CNKSR2: variants seen among roughly 807,000 people sequenced by gnomAD.
CNKSR2 encodes the protein connector enhancer of kinase suppressor of Ras 2.
In CNKSR2, 14 loss-of-function variants were observed where a neutral mutation model predicts 84.4. The observed-to-expected ratio is 0.17, with a 90% CI of 0.11 to 0.26. The LOEUF is 0.26. Ranked by LOEUF, CNKSR2 falls within the 10% of genes least tolerant of loss-of-function variation. The pLI is 1.00. For synonymous variants in CNKSR2, 275 were observed against 277.9 expected, an observed-to-expected ratio of 0.99 and a Z score of 0.10; for missense variants, 485 against 771.2, an observed-to-expected ratio of 0.63 and a Z score of 4.40.
chrX:21,426,799 A>G, intron 2 of CNKSR2, 139 bp downstream of exon 2: 1 of 630,376 alleles, frequency 1.6e-6, no homozygotes, highest in South Asian at 3.2e-5. Flanking sequence ...TGGACCTGAT[A>G]TTTTCTTCCT....
chrX:21,421,430 G>T (rs112829691), intron 1 of CNKSR2, among the ~76,000 whole-genome samples: 1 of 108,891 alleles, frequency 9.2e-6, no homozygotes, highest in African/African-American at 3.4e-5. Context: ...GTGTCCTTGC[G>T]GGGGGCTAGG....
intron 1 of CNKSR2, among the ~76,000 whole-genome samples, chrX:21,419,616 C>G (rs1193292049): frequency 1.8e-5 from 2 of 111,835 alleles, no homozygotes; most frequent in Admixed American, 1.9e-4. Flanking sequence ...GGGAGCACCC[C>G]AAGCCCGGTG....
chrX:21,457,088 T>C (rs2091004254), intron 4 of CNKSR2, among the ~76,000 whole-genome samples: 1 of 111,644 alleles, frequency 9.0e-6, no homozygotes, highest in African/African-American at 3.2e-5. Flanking sequence ...GCTGTTGAGT[T>C]GTGTGGGTTC....
At chrX:21,528,832 G>A (rs919100879) in intron 10 of CNKSR2, among the ~76,000 whole-genome samples, 5 of 110,751 alleles carry the variant, frequency 4.5e-5, no homozygotes, top group African/African-American at 9.8e-5. Flanking sequence ...AAAGTCTTTC[G>A]ATATTGGAGT....
rs1206867656 is a variant in CNKSR2, at chrX:21,573,211, G to A, written c.1608+9759G>A. 1.5e-4 allele frequency among the ~76,000 whole-genome samples: 17 copies of A among 112,261 alleles called. No homozygotes were observed. In the Admixed American group the frequency reaches 1.6e-3, roughly 11 times the overall value. On this transcript the variant is annotated intron_variant, in intron 13 of 21. Coordinates refer to ENST00000379510, the MANE Select transcript of CNKSR2 (RefSeq NM_014927.5). The stretch of plus-strand genomic sequence containing the variant: ...AAGCGGTGGGGTCCCACAGCCTTGG[G>A]CAACTCTGCCCCTGTGGCTTTGCAG...
Position 21,497,830 on chromosome X carries a change from C to A in CNKSR2, c.725C>A (p.Thr242Asn). Residue 242 changes from threonine to asparagine, a missense_variant, in exon 7 of 22, where the codon ACT (threonine) becomes AAT (asparagine). Physicochemically the swap from Thr to Asn is moderately conservative, Grantham distance 65. Transcript: ENST00000379510. ...ACATATGATGGCCTCCATGTAATTA[C>A]TGGAACCACAGAAAATGTAAGTATT... ...KSTYDGLHVI[T>N]GTTENSPADR... The A allele has an allele frequency of 1.1e-6, 1 of 927,646 alleles. No homozygotes were observed. The highest frequency in any genetic ancestry group is 1.6e-6 in the Non-Finnish European group (1 of 637,198). The allele number at this position is 927,646 out of a possible 1,213,427, so 76.4% of individuals were successfully genotyped here. A position where few individuals can be genotyped will look rare whatever the true frequency, so the allele number is the denominator to read the frequency against.
At chrX:21,601,833 T>A (rs2092483919) in intron 18 of CNKSR2, among the ~76,000 whole-genome samples, 1 of 112,122 alleles carries the variant, frequency 8.9e-6, no homozygotes, top group Non-Finnish European at 1.9e-5. Flanking sequence ...GACCTCAGAT[T>A]TATGAAACAC....
chrX:21,399,146 A>G (rs2090156988), intron 1 of CNKSR2, among the ~76,000 whole-genome samples: 1 of 111,290 alleles, frequency 9.0e-6, no homozygotes, highest in South Asian at 3.8e-4. Flanking sequence ...TTGGTTGATT[A>G]CCCTTCATAA....
intron 13 of CNKSR2, among the ~76,000 whole-genome samples, chrX:21,571,719 A>G (rs1471372068): frequency 8.9e-5 from 10 of 112,246 alleles, no homozygotes; most frequent in Non-Finnish European, 1.5e-4. Flanking sequence ...TCTATTAGGG[A>G]AGACAGAGCT....
intron 5 of CNKSR2, among the ~76,000 whole-genome samples, chrX:21,471,230 C>T (rs1160585732): frequency 5.4e-5 from 6 of 111,847 alleles, no homozygotes; most frequent in South Asian, 3.7e-4. Flanking sequence ...TCTATACCTA[C>T]GAGACAACCT....
intron 20 of CNKSR2, among the ~76,000 whole-genome samples, chrX:21,647,114 A>G (rs1215494865): frequency 8.9e-6 from 1 of 112,178 alleles, no homozygotes; most frequent in African/African-American, 3.2e-5. Flanking sequence ...GGGCCAACAG[A>G]GAATTTAAAA....
intron 13 of CNKSR2, among the ~76,000 whole-genome samples, chrX:21,590,244 A>C (rs2092412383): frequency 8.9e-6 from 1 of 111,969 alleles, no homozygotes; most frequent in African/African-American, 3.2e-5. Context: ...CTCAAATGAG[A>C]TACTGTCTGG....
intron 1 of CNKSR2, among the ~76,000 whole-genome samples, chrX:21,414,957 A>G (rs944064446): frequency 3.6e-5 from 4 of 111,099 alleles, no homozygotes; most frequent in East Asian, 5.7e-4. Context: ...ACTATACCTC[A>G]GTAGTATAAT....
intron 13 of CNKSR2, among the ~76,000 whole-genome samples, chrX:21,567,082 T>C (rs1172952893): frequency 9.0e-6 from 1 of 111,695 alleles, no homozygotes; most frequent in Non-Finnish European, 1.9e-5. Context: ...TATCTCTTTT[T>C]TCTCCCAAGA....
chrX:21,593,256 T>A (rs2092431793), intron 15 of CNKSR2: 1 of 111,827 alleles, frequency 8.9e-6, no homozygotes, highest in Non-Finnish European at 1.9e-5. Flanking sequence ...TGTCTTGTCC[T>A]TACTCCAAGA....
intron 9 of CNKSR2, 47 bp downstream of exon 9, chrX:21,516,678 A>T (rs781601189): frequency 1.8e-5 from 20 of 1,099,924 alleles, no homozygotes; most frequent in Non-Finnish European, 2.4e-5. Flanking sequence ...TTAGCCATAG[A>T]TTATCTCAGT....
intron 11 of CNKSR2, among the ~76,000 whole-genome samples, chrX:21,551,023 T>TCCC (rs1443436482): frequency 1.0e-4 from 10 of 99,051 alleles, no homozygotes; most frequent in Non-Finnish European, 1.4e-4. Flanking sequence ...AGAGCAAGAC[T>TCCC]CCATCTCAAA....
chrX:21,527,305 C>A (rs1043881888), intron 10 of CNKSR2, among the ~76,000 whole-genome samples: 3 of 109,424 alleles, frequency 2.7e-5, no homozygotes, highest in Non-Finnish European at 5.7e-5. Flanking sequence ...ATAAGTGAGG[C>A]TGTTTGGCTA....
In CNKSR2 at chrX:21,460,501, A is replaced by G. The variant is rs879039766; in HGVS notation, c.520-10265A>G. Reference sequence around the variant, plus strand: ...AATGTATTCATAATCACATCATGGAAAATGAGGTATGCATCCCCTCAAGAA... The same window carrying G: ...AATGTATTCATAATCACATCATGGAGAATGAGGTATGCATCCCCTCAAGAA... On this transcript the variant is annotated intron_variant, in intron 4 of 21. Transcript: ENST00000379510. Among the ~76,000 whole-genome samples the G allele has an allele frequency of 2.7e-5, 3 of 112,216 alleles. No homozygotes were observed. The Admixed American group carries it at 2.8e-4, about 11-fold the overall frequency.
Sources: allele counts gnomAD v4.1 joint callset (sites outside exome capture counted in the v4.1 genomes callset), GRCh38; gene constraint gnomAD v4.1.1; transcripts MANE v1.5; gene names NCBI Gene and HGNC (gene_info 2026-07-23, HGNC 2026-07-21).